Variants in MIA3 observed in about 807,000 individuals in gnomAD.
MIA3 encodes the protein MIA SH3 domain ER export factor 3.
Under a neutral mutation model 192.4 loss-of-function variants are expected in MIA3, and 90 were observed. That is an observed-to-expected ratio of 0.47 (90% CI 0.39 to 0.56). MIA3 has a LOEUF of 0.56. MIA3 is among the 20% of genes least tolerant of loss of function. The pLI is 0.00. For synonymous variants in MIA3, 740 were observed against 792.8 expected (o/e 0.93, Z 1.12); for missense variants, 2,123 against 2,269.4 (o/e 0.94, Z 1.31).
chr1:222,660,316 T>C lies in MIA3; in HGVS notation c.5113+2T>C. On this transcript the variant is annotated splice_donor_variant, in intron 24 of 27. Coordinates refer to ENST00000344922, the MANE Select transcript of MIA3 (RefSeq NM_198551.4). LOFTEE classifies it high-confidence loss of function. Reference sequence around the variant, plus strand: ...GAGATATGCCTAGAAGTGAATTTGGTGAGCATTCACATGTTTCCTTGCAAT... The same window carrying C: ...GAGATATGCCTAGAAGTGAATTTGGCGAGCATTCACATGTTTCCTTGCAAT... 6.2e-7 allele frequency: 1 copy of C among 1,607,580 alleles called. No homozygotes were observed. The highest frequency in any genetic ancestry group is 8.5e-7 in the Non-Finnish European group (1 of 1,178,044).
At chr1:222,637,883 T>C (rs144590625) in intron 6 of MIA3, among the ~76,000 whole-genome samples, 19,176 of 151,942 alleles carry the variant, frequency 0.13, 1,822 homozygotes, top group African/African-American at 0.27. Flanking sequence ...GGTTTTGCCA[T>C]GTTTCCCAGT....
chr1:222,645,710 A>G, intron 7 of MIA3, 25 bp downstream of exon 7: 1 of 1,600,330 alleles, frequency 6.2e-7, no homozygotes, highest in Non-Finnish European at 8.5e-7. Context: ...GCATACTTTA[A>G]CTCATAAATT....
In MIA3 at chr1:222,654,803, T is replaced by C. The variant is rs1157669417; in HGVS notation, c.4607+10T>C. On this transcript the variant is annotated intron_variant, in intron 18 of 27. Transcript: ENST00000344922. ...AGATGGCTTTGCAAAAGTAAGATTA[T>C]CATCATTTACTGTTAACTGTATTGT... The C allele has an allele frequency of 1.2e-6, 2 of 1,610,656 alleles. No individual in the cohort carries two copies. The highest frequency in any genetic ancestry group is 8.5e-7 in the Non-Finnish European group (1 of 1,177,284).
In MIA3 at chr1:222,667,214, A is replaced by G. The variant is rs1412636287; in HGVS notation, c.*1595A>G. The stretch of plus-strand genomic sequence containing the variant: ...TGTCAAAGTTCATAAGGAATATAAA[A>G]ATTCTTCAGGAAAAGAGAATTCAAT... On this transcript the variant is annotated 3_prime_UTR_variant, in exon 28 of 28. Coordinates refer to ENST00000344922, the MANE Select transcript of MIA3 (RefSeq NM_198551.4). 6.6e-6 allele frequency: 1 copy of G among 152,190 alleles called. No individual in the cohort carries two copies. The highest frequency in any genetic ancestry group is 1.5e-5 in the Non-Finnish European group (1 of 68,022). 9.4% of individuals were successfully genotyped at this position (152,190 alleles called of 1,614,324 possible). A position where few individuals can be genotyped will look rare whatever the true frequency, so the allele number is the denominator to read the frequency against.
At position 222,656,282 on chromosome 1, in the gene MIA3, C is replaced by CTTTA. The variant is rs1663725881; in HGVS notation, c.4607+1490_4607+1493dup. Among the ~76,000 whole-genome samples the CTTTA allele has an allele frequency of 2.6e-5, 4 of 151,988 alleles. 1 individual carries two copies. In the South Asian group the frequency reaches 8.3e-4, roughly 31 times the overall value. ...CCACCGCGCCCGGCCAAAGAATATA[C>CTTTA]TTTAATGCAGGTTCAGTGAGTTTAC... On this transcript the variant is annotated intron_variant, in intron 18 of 27. Transcript: ENST00000344922.
rs183991755 is a variant in MIA3, at chr1:222,658,224, T to C, written c.4608-498T>C. On this transcript the variant is annotated intron_variant, in intron 18 of 27. Coordinates refer to ENST00000344922, the MANE Select transcript of MIA3 (RefSeq NM_198551.4). ...CTCCATATCTGAAGTGTGAAAATGT[T>C]CTGGGGTTAATTGTACAGTTAAGGA... Among the ~76,000 whole-genome samples, 424 of 152,336 alleles carry C rather than the reference T, an allele frequency of 2.8e-3. 1 individual carries two copies. Among genetic ancestry groups the C allele is most frequent in the Middle Eastern group, 6.8e-3 (2 of 294 alleles).
At chr1:222,651,211 G>GT (rs147709124) in intron 11 of MIA3, among the ~76,000 whole-genome samples, 304 of 140,088 alleles carry the variant, frequency 2.2e-3, no homozygotes, top group East Asian at 7.1e-3. Flanking sequence ...GTTTTGCAAA[G>GT]TTTTTTTTTT....
At position 222,630,169 on chromosome 1, in the gene MIA3, G is replaced by A; in HGVS notation, c.2949G>A (p.Glu983=). ...KVLDKVFRAS[E]SQILSIAEKM... is the part of the protein sequence containing the mutation. ...TAGATAAGGTCTTCCGTGCTTCTGA[G>A]TCACAAATTCTGAGCATAGCAGAAA... Residue 983 remains glutamate (E), a synonymous_variant, in exon 4 of 28, where the codon GAG becomes GAA. Coordinates refer to ENST00000344922, the MANE Select transcript of MIA3 (RefSeq NM_198551.4). 6.2e-7 allele frequency: 1 copy of A among 1,614,200 alleles called. No homozygotes were observed. The highest frequency in any genetic ancestry group is 8.5e-7 in the Non-Finnish European group (1 of 1,180,040).
At position 222,650,636 on chromosome 1, in the gene MIA3, C is replaced by T. The variant is rs760843518; in HGVS notation, c.3723C>T (p.Ile1241=). ...VQKLSNYEQK[I]KESKKHVQET... is the part of the protein sequence containing the mutation. ...TCTGAATGCTTTATTTTATATAGATCAAGGAATCAAAGAAACATGTTCAGG... is the reference window on the plus strand; with the variant it reads ...TCTGAATGCTTTATTTTATATAGATTAAGGAATCAAAGAAACATGTTCAGG... Residue 1241 remains isoleucine (I), a splice_region_variant and synonymous_variant, in exon 10 of 28, where the codon ATC becomes ATT. Coordinates refer to ENST00000344922, the MANE Select transcript of MIA3 (RefSeq NM_198551.4). 7.6e-6 allele frequency: 12 copies of T among 1,569,632 alleles called. No homozygotes were observed. In the East Asian group the frequency reaches 2.5e-4, roughly 32 times the overall value.
At chr1:222,659,116 A>G in intron 19 of MIA3, 2 of 431,792 alleles carry the variant, frequency 4.6e-6, no homozygotes, top group Non-Finnish European at 8.2e-6. Context: ...TGATAGACCC[A>G]GTAGTCCTAA....
chr1:222,645,470 T>C, intron 6 of MIA3, 84 bp from the exon 7 acceptor site: 2 of 1,296,176 alleles, frequency 1.5e-6, no homozygotes, highest in African/African-American at 1.5e-5. Context: ...GGTTTAGAAT[T>C]TCTGTGAATG....
Position 222,667,302 on chromosome 1 carries a change from G to C in MIA3, c.*1683G>C, listed in dbSNP as rs941551926. 3.2e-4 allele frequency: 48 copies of C among 152,144 alleles called. No homozygotes were observed. The highest frequency in any genetic ancestry group is 1.1e-3 in the African/African-American group (46 of 41,438). The allele number at this position is 152,144 out of a possible 1,614,324, so 9.4% of individuals were successfully genotyped here. A position where few individuals can be genotyped will look rare whatever the true frequency, so the allele number is the denominator to read the frequency against. On this transcript the variant is annotated 3_prime_UTR_variant, in exon 28 of 28. Coordinates refer to ENST00000344922, the MANE Select transcript of MIA3 (RefSeq NM_198551.4). ...ATTAAGAGGAAAACTCCACAGAAGA[G>C]CATAGGCCACTTTTAGCCATGTAAA...
intron 6 of MIA3, among the ~76,000 whole-genome samples, chr1:222,641,250 A>G (rs1662840579): frequency 6.6e-6 from 1 of 152,256 alleles, no homozygotes; most frequent in African/African-American, 2.4e-5. Flanking sequence ...GTGAAAATAA[A>G]TTATACATGC....
chr1:222,626,719 C>T (rs1662136370), intron 3 of MIA3, among the ~76,000 whole-genome samples: 1 of 152,176 alleles, frequency 6.6e-6, no homozygotes, highest in Non-Finnish European at 1.5e-5. Context: ...AATGGGGAGC[C>T]TCCTTTACAC....
chr1:222,634,347 G>A lies in MIA3; in HGVS notation c.3477+1098G>A, dbSNP rs373958340. Among the ~76,000 whole-genome samples, 132 of 152,174 alleles carry A rather than the reference G, an allele frequency of 8.7e-4. 4 individuals are homozygous for A. The South Asian group carries it at 0.027, about 31-fold the overall frequency. On this transcript the variant is annotated intron_variant, in intron 6 of 27. Transcript: ENST00000344922. ...GAAAAAATAAAAATAAAAAAGTATG[G>A]AGTTAGGAGGGAGAAGGTCTGTTGG...
At position 222,629,099 on chromosome 1, in the gene MIA3, C is replaced by G. The variant is rs776107301; in HGVS notation, c.1879C>G (p.Gln627Glu). 6.2e-7 allele frequency: 1 copy of G among 1,614,214 alleles called. No individual in the cohort carries two copies. The highest frequency in any genetic ancestry group is 8.5e-7 in the Non-Finnish European group (1 of 1,180,028). Residue 627 changes from glutamine to glutamate, a missense_variant, in exon 4 of 28, where the codon CAA becomes GAA. Gln to Glu is a conservative substitution (Grantham distance 29). Around this residue, in one of 3 missense-constraint regions of MIA3, gnomAD observed 1,357 missense variants for 1,396.1 expected, o/e 0.97. Transcript: ENST00000344922. ...GAAAGAGGAATTAGTTCTTAAAACT[C>G]AAAACCAACCTAGATTCTCCTCTCC... ...ELKEELVLKT[Q>E]NQPRFSSPDE...
chr1:222,630,152 GT>G lies in MIA3; in HGVS notation c.2933del (p.Val978AlafsTer10). 1 of 1,614,196 alleles carries G rather than the reference GT, an allele frequency of 6.2e-7. No homozygotes were observed. The highest frequency in any genetic ancestry group is 8.5e-7 in the Non-Finnish European group (1 of 1,180,030). ...TAATATGGAAAAAGTCCTAGATAAG[GT>G]CTTCCGTGCTTCTGAGTCACAAATT... ...PYNMEKVLDK[V>X]FRASESQILS... On this transcript the variant is annotated frameshift_variant, in exon 4 of 28. Coordinates refer to ENST00000344922, the MANE Select transcript of MIA3 (RefSeq NM_198551.4). LOFTEE classifies it high-confidence loss of function.
rs748112542 is a variant in MIA3 at position 222,662,320 on chromosome 1, C to T, written c.5250C>T (p.Leu1750=). The change falls in exon 26 of 28, where the codon CTC becomes CTT. Residue 1750 remains leucine (L), a synonymous_variant. Transcript: ENST00000344922. ...SSRGSSPTRV[L]DEGKVNMAPK... ...GAGGCTCTTCCCCTACCAGGGTACT[C>T]GATGAAGGCAAGGTAAATGCACCCA... The T allele has an allele frequency of 2.5e-6, 4 of 1,613,682 alleles. No homozygotes were observed. Among genetic ancestry groups the T allele is most frequent in the Non-Finnish European group, 3.4e-6 (4 of 1,179,660 alleles).
intron 3 of MIA3, among the ~76,000 whole-genome samples, chr1:222,627,024 C>T (rs149644763): frequency 1.2e-3 from 188 of 152,332 alleles, no homozygotes; most frequent in Non-Finnish European, 1.6e-3. Context: ...ATAAATGACA[C>T]CTTACTTTTC....
Sources: allele counts gnomAD v4.1 joint callset (sites outside exome capture counted in the v4.1 genomes callset), GRCh38; gene constraint gnomAD v4.1.1; regional missense constraint gnomAD v4.1.1; transcripts MANE v1.5; gene names NCBI Gene and HGNC (gene_info 2026-07-23, HGNC 2026-07-21).